Variants in FRMD4B observed in about 807,000 individuals in gnomAD.
FRMD4B encodes the protein FERM domain containing 4B.
A neutral mutation model predicts 141.5 loss-of-function variants in FRMD4B; 74 were observed. The ratio of observed to expected loss-of-function variants is 0.52; its 90% CI spans 0.43 to 0.63. FRMD4B has a LOEUF of 0.63. FRMD4B is among the 30% of genes least tolerant of loss of function. FRMD4B has a pLI of 0.00. For synonymous variants in FRMD4B, 506 were observed against 467.9 expected (o/e 1.08, Z -1.05); for missense variants, 1,366 against 1,253.4 (o/e 1.09, Z -1.36).
intron 1 of FRMD4B, among the ~76,000 whole-genome samples, chr3:69,462,870 C>G (rs1312822444): frequency 6.6e-6 from 1 of 152,228 alleles, no homozygotes; most frequent in East Asian, 1.9e-4. Flanking sequence ...ATAATAATTT[C>G]ATATGGCTTC....
intron 5 of FRMD4B, among the ~76,000 whole-genome samples, chr3:69,273,809 T>C (rs1453675208): frequency 6.6e-6 from 1 of 151,486 alleles, no homozygotes; most frequent in Admixed American, 6.6e-5. Flanking sequence ...GAGTGACTGA[T>C]GCATAAAGGA....
intron 4 of FRMD4B, among the ~76,000 whole-genome samples, chr3:69,301,284 C>T (rs903503075): frequency 1.1e-4 from 16 of 152,084 alleles, no homozygotes; most frequent in African/African-American, 3.9e-4. Flanking sequence ...AATGATTTCA[C>T]CTCAAGCTAG....
chr3:69,518,785 G>A (rs1481344757), intron 1 of FRMD4B, among the ~76,000 whole-genome samples: 1 of 152,200 alleles, frequency 6.6e-6, no homozygotes, highest in African/African-American at 2.4e-5. Context: ...AAGGAAGGTA[G>A]GCTGAAGAGA....
intron 1 of FRMD4B, among the ~76,000 whole-genome samples, chr3:69,324,416 A>T (rs1368753805): frequency 1.3e-5 from 2 of 152,232 alleles, no homozygotes; most frequent in African/African-American, 2.4e-5. Context: ...AGCCAATAAG[A>T]CTGAAAGGGC....
chr3:69,204,341 C>T (rs2093000575), intron 11 of FRMD4B, among the ~76,000 whole-genome samples: 2 of 152,050 alleles, frequency 1.3e-5, no homozygotes, highest in South Asian at 4.1e-4. Flanking sequence ...CACAATAGGC[C>T]AGGACAGGAA....
chr3:69,313,523 G>A lies in FRMD4B; in HGVS notation c.163-6C>T. On this transcript the variant is annotated splice_region_variant and splice_polypyrimidine_tract_variant and intron_variant, in intron 1 of 22. Coordinates refer to ENST00000398540, the MANE Select transcript of FRMD4B (RefSeq NM_015123.3). ...CAGTGCCTGCCTTCTGTCATCTGCA[G>A]GAACAAGACAGCAAGAGTGGTGTCA... 2 of 1,556,782 alleles carry A rather than the reference G, an allele frequency of 1.3e-6. No homozygotes were observed. The highest frequency in any genetic ancestry group is 1.7e-6 in the Non-Finnish European group (2 of 1,146,234).
intron 1 of FRMD4B, among the ~76,000 whole-genome samples, chr3:69,492,634 G>C (rs1004734675): frequency 6.6e-6 from 1 of 152,122 alleles, no homozygotes; most frequent in Non-Finnish European, 1.5e-5. Context: ...AAACCATTTT[G>C]TCAGGGAACC....
chr3:69,438,666 G>C (rs1269150758), intron 1 of FRMD4B, among the ~76,000 whole-genome samples: 2 of 152,038 alleles, frequency 1.3e-5, no homozygotes, highest in African/African-American at 2.4e-5. Flanking sequence ...GCAAAAAAGT[G>C]GTCACACACT....
chr3:69,477,278 G>C (rs1396265223), intron 1 of FRMD4B, among the ~76,000 whole-genome samples: 244 of 141,316 alleles, frequency 1.7e-3, no homozygotes, highest in African/African-American at 4.4e-3. Flanking sequence ...TCCCTGTCTT[G>C]TGCCAGTTTT....
chr3:69,454,323 G>A (rs981057681), intron 1 of FRMD4B, among the ~76,000 whole-genome samples: 3 of 152,236 alleles, frequency 2.0e-5, no homozygotes, highest in Non-Finnish European at 4.4e-5. Context: ...CGGCCTCAGT[G>A]CCCACTCTGG....
chr3:69,206,211 G>A (rs949659136), intron 11 of FRMD4B, among the ~76,000 whole-genome samples: 22 of 152,038 alleles, frequency 1.4e-4, no homozygotes, highest in Admixed American at 1.0e-3. Flanking sequence ...TTAGCCAGGC[G>A]TGGTGACATG....
At position 69,273,098 on chromosome 3, in the gene FRMD4B, A is replaced by C. The variant is rs139877505; in HGVS notation, c.501+14654T>G. Among the ~76,000 whole-genome samples, 123 of 152,294 alleles carry C rather than the reference A, an allele frequency of 8.1e-4. 2 individuals carry two copies. The highest frequency in any genetic ancestry group is 2.7e-3 in the African/African-American group (111 of 41,568). ...TAGCTCTAGGAAAAAGAAAGAAGGA[A>C]AGTCAATTACATTCAGGGCACTTTG... On this transcript the variant is annotated intron_variant, in intron 5 of 22. Transcript: ENST00000398540.
At chr3:69,373,776 G>A (rs1446185087) in intron 1 of FRMD4B, among the ~76,000 whole-genome samples, 1 of 152,154 alleles carries the variant, frequency 6.6e-6, no homozygotes, top group Non-Finnish European at 1.5e-5. Context: ...GAGAGGCTAA[G>A]GCGAGAGGAT....
intron 22 of FRMD4B, among the ~76,000 whole-genome samples, chr3:69,173,787 T>C (rs889307552): frequency 6.6e-6 from 1 of 152,190 alleles, no homozygotes; most frequent in African/African-American, 2.4e-5. Flanking sequence ...CTTATTGGAA[T>C]ATATCCTAGG....
chr3:69,374,012 A>C (rs1274657286), intron 1 of FRMD4B, among the ~76,000 whole-genome samples: 1 of 152,164 alleles, frequency 6.6e-6, no homozygotes, highest in Non-Finnish European at 1.5e-5. Context: ...CAGAAGATAA[A>C]ATGAGGCACC....
intron 1 of FRMD4B, among the ~76,000 whole-genome samples, chr3:69,475,745 T>C (rs993789513): frequency 1.4e-5 from 2 of 148,028 alleles, no homozygotes; most frequent in Non-Finnish European, 3.0e-5. Context: ...CTGGGTCAAA[T>C]GGTATTTCTA....
At chr3:69,357,582 C>A (rs778332749) in intron 1 of FRMD4B, among the ~76,000 whole-genome samples, 5 of 152,124 alleles carry the variant, frequency 3.3e-5, no homozygotes, top group Non-Finnish European at 5.9e-5. Context: ...ATATGTCCAC[C>A]AATTTAAGGA....
At chr3:69,204,035 C>T (rs2092997689) in intron 11 of FRMD4B, among the ~76,000 whole-genome samples, 1 of 151,966 alleles carries the variant, frequency 6.6e-6, no homozygotes, top group Admixed American at 6.6e-5. Flanking sequence ...CCTGATACAC[C>T]CTCTAGGTAG....
chr3:69,455,296 T>C (rs60121321), intron 1 of FRMD4B, among the ~76,000 whole-genome samples: 42,938 of 152,136 alleles, frequency 0.28, 6,377 homozygotes, highest in East Asian at 0.53. Context: ...GTTTACATAA[T>C]GTGGGAGGTT....
Sources: allele counts gnomAD v4.1 joint callset (sites outside exome capture counted in the v4.1 genomes callset), GRCh38; gene constraint gnomAD v4.1.1; transcripts MANE v1.5; gene names NCBI Gene and HGNC (gene_info 2026-07-23, HGNC 2026-07-21).